Variants in PCLO observed in about 807,000 individuals in gnomAD.
The protein encoded by PCLO is protein piccolo.
Under a neutral mutation model 427.5 loss-of-function variants are expected in PCLO, and 82 were observed. The observed-to-expected ratio is 0.19, with a 90% CI of 0.16 to 0.23. PCLO has a LOEUF of 0.23. Among genes scored for constraint, PCLO ranks in the 10% least tolerant of loss-of-function variants. PCLO has a pLI of 1.00. For synonymous variants in PCLO, 2,357 were observed against 2,155.4 expected, an observed-to-expected ratio of 1.09 and a Z score of -2.59; for missense variants, 6,239 against 6,115.9, an observed-to-expected ratio of 1.02 and a Z score of -0.67.
rs371927465 is a variant in PCLO at position 82,761,346 on chromosome 7, T to C, written c.15142+13A>G. On this transcript the variant is annotated intron_variant, in intron 23 of 24. Transcript: ENST00000333891. ...AATCTAGATATATTGATGATTATAATAGAATTAGATACCTGGTAGATGATC... is the reference window on the plus strand; with the variant it reads ...AATCTAGATATATTGATGATTATAACAGAATTAGATACCTGGTAGATGATC... The C allele has an allele frequency of 3.8e-5, 52 of 1,372,970 alleles. No individual in the cohort carries two copies. The Middle Eastern group carries it at 1.1e-3, about 30-fold the overall frequency. The allele number at this position is 1,372,970 out of a possible 1,614,324, so 85.0% of individuals were successfully genotyped here.
At chr7:82,938,453 T>C (rs12666057) in intron 6 of PCLO, among the ~76,000 whole-genome samples, 79,781 of 151,204 alleles carry the variant, frequency 0.53, 21,419 homozygotes, top group East Asian at 0.8. Flanking sequence ...CTTTTTCTCT[T>C]CCTTTTAGTC....
At chr7:82,964,653 A>AAGG (rs1248961663) in intron 4 of PCLO, among the ~76,000 whole-genome samples, 1 of 152,314 alleles carries the variant, frequency 6.6e-6, no homozygotes, top group African/African-American at 2.4e-5. Flanking sequence ...AAGTTTCACA[A>AAGG]AGGGACAAAC....
rs544201355 is a variant in PCLO at position 83,102,514 on chromosome 7, C to T, written c.3300+31736G>A. Among the ~76,000 whole-genome samples the T allele has an allele frequency of 3.9e-3, 598 of 151,978 alleles. 8 individuals are homozygous for T. The highest frequency in any genetic ancestry group is 0.014 in the African/African-American group (570 of 41,500). On this transcript the variant is annotated intron_variant, in intron 3 of 24. Transcript: ENST00000333891. ...TAGGTTGGTGGAAAAATACAGACTTCGGAATTTGAAAGTTCTGGGTTTGAA... is the reference window on the plus strand; with the variant it reads ...TAGGTTGGTGGAAAAATACAGACTTTGGAATTTGAAAGTTCTGGGTTTGAA...
rs773976590 is a variant in PCLO at position 82,966,157 on chromosome 7, T to C, written c.3631A>G (p.Lys1211Glu). The C allele has an allele frequency of 9.3e-6, 15 of 1,609,502 alleles. No individual in the cohort carries two copies. In the South Asian group the frequency reaches 1.2e-4, roughly 13 times the overall value. Residue 1211 changes from lysine to glutamate, a missense_variant, in exon 4 of 25, where the codon AAA (lysine) becomes GAA (glutamate). By Grantham distance (56) the Lys-to-Glu change is moderately conservative. Coordinates refer to ENST00000333891, the MANE Select transcript of PCLO (RefSeq NM_033026.6). ...TTTTTTTCTTCAGGGAGTGGCTTTT[T>C]TTCTTGAAGAGCTGAAGCTTTGTCT... ...EKDKASALQEKKPLPEEKKLI... is the reference protein window; with the variant it reads ...EKDKASALQEEKPLPEEKKLI...
In PCLO at chr7:83,134,792, G is replaced by A. The variant is rs753147930; in HGVS notation, c.2758C>T (p.Pro920Ser). The part of the protein sequence containing the change: ...GSITDAPKSQ[P>S]TTPQETVTGK... ...GTCACGGTCTCTTGAGGAGTTGTAG[G>A]CTGTGATTTGGGGGCATCAGTAATA... The change falls in exon 3 of 25, where the codon CCT becomes TCT. Residue 920 changes from proline to serine, a missense_variant. Physicochemically the swap from Pro to Ser is moderately conservative, Grantham distance 74 (BLOSUM62 -1). Coordinates refer to ENST00000333891, the MANE Select transcript of PCLO (RefSeq NM_033026.6). 13 of 1,613,920 alleles carry A rather than the reference G, an allele frequency of 8.1e-6. No homozygotes were observed. The South Asian group carries it at 1.3e-4, about 16-fold the overall frequency.
chr7:83,134,576 T>C lies in PCLO; in HGVS notation c.2974A>G (p.Lys992Glu), dbSNP rs1246670068. The change falls in exon 3 of 25, where the codon AAA (lysine) becomes GAA (glutamate). Residue 992 changes from lysine (K) to glutamate (E), a missense_variant. By Grantham distance (56) the Lys-to-Glu change is moderately conservative. This residue lies in a region of PCLO where 4,677 missense variants were observed against 4,468.4 expected (regional missense o/e 1.05). Transcript: ENST00000333891. ...GTTTCCTTTTTCACAGGTATACTTT[T>C]TGCAGGTGCTGGTGGTGCTTGACCT... The part of the protein sequence containing the change: ...STGQAPPAPA[K>E]SIPVKKETKA... 1.4e-5 allele frequency: 22 copies of C among 1,613,858 alleles called. No homozygotes were observed. Among genetic ancestry groups the C allele is most frequent in the Non-Finnish European group, 1.9e-5 (22 of 1,179,894 alleles).
chr7:82,819,318 C>CA (rs36052834), intron 20 of PCLO, among the ~76,000 whole-genome samples: 1 of 150,690 alleles, frequency 6.6e-6, no homozygotes, highest in Non-Finnish European at 1.5e-5. Flanking sequence ...GAACACTATT[C>CA]AAAAAAAGGG....
chr7:82,882,089 T>C (rs183122582), intron 9 of PCLO, among the ~76,000 whole-genome samples: 4 of 152,308 alleles, frequency 2.6e-5, no homozygotes, highest in Admixed American at 1.3e-4. Flanking sequence ...AATTTGAATG[T>C]CGTGAAAAGA....
In PCLO at chr7:82,955,841, C is replaced by T; in HGVS notation, c.5112G>A (p.Leu1704=). ...DEEPELEMES[L]TDSPEDRSRG... is the part of the protein sequence containing the mutation. ...TTGACCTATCTTCAGGTGAGTCTGT[C>T]AGGCTTTCCATTTCCAATTCTGGCT... Residue 1704 remains leucine (L), a synonymous_variant, in exon 5 of 25, where the codon CTG becomes CTA. Coordinates refer to ENST00000333891, the MANE Select transcript of PCLO (RefSeq NM_033026.6). 1 of 1,613,900 alleles carries T rather than the reference C, an allele frequency of 6.2e-7. No homozygotes were observed. The highest frequency in any genetic ancestry group is 1.1e-5 in the South Asian group (1 of 91,078).
chr7:82,964,216 T>C (rs1321692299), intron 4 of PCLO, among the ~76,000 whole-genome samples: 2 of 152,138 alleles, frequency 1.3e-5, no homozygotes, highest in Non-Finnish European at 2.9e-5. Context: ...GATACCTTCA[T>C]TGTGGAGAAC....
At chr7:83,044,514 T>A (rs1264072248) in intron 3 of PCLO, among the ~76,000 whole-genome samples, 1 of 152,200 alleles carries the variant, frequency 6.6e-6, no homozygotes, top group East Asian at 1.9e-4. Context: ...AATTAAATTA[T>A]AAATGTGTCT....
rs1188329811 is a variant in PCLO at position 82,847,209 on chromosome 7, A to G, written c.13693T>C (p.Ser4565Pro). Residue 4565 changes from serine to proline, a missense_variant, in exon 11 of 25, where the codon TCT (serine) becomes CCT (proline). By Grantham distance (74) the Ser-to-Pro change is moderately conservative (BLOSUM62 -1). Around this residue, in one of 5 missense-constraint regions of PCLO, gnomAD observed 877 missense variants for 925.5 expected, o/e 0.95. Transcript: ENST00000333891. ...VLEWNGIPLT[S>P]KTYEEVQSII... The stretch of plus-strand genomic sequence containing the variant: ...CTCTGAACTTCTTCATATGTTTTAG[A>G]AGTCAAGGGAATTCCATTCCATTCC... 1 of 1,603,580 alleles carries G rather than the reference A, an allele frequency of 6.2e-7. No individual in the cohort carries two copies. Among genetic ancestry groups the G allele is most frequent in the Admixed American group, 1.7e-5 (1 of 59,716 alleles).
intron 22 of PCLO, among the ~76,000 whole-genome samples, chr7:82,765,964 C>G (rs1348913886): frequency 1.3e-5 from 2 of 151,936 alleles, no homozygotes; most frequent in African/African-American, 4.8e-5. Flanking sequence ...GTTATAGTCT[C>G]CGGACAGAAA....
At chr7:82,992,523 A>G (rs1279835929) in intron 3 of PCLO, among the ~76,000 whole-genome samples, 1 of 152,138 alleles carries the variant, frequency 6.6e-6, no homozygotes. Context: ...ATAAAAATTG[A>G]TGCCTCATAG....
chr7:82,939,040 C>T (rs1024340653), intron 6 of PCLO, among the ~76,000 whole-genome samples: 2 of 151,918 alleles, frequency 1.3e-5, no homozygotes, highest in African/African-American at 4.8e-5. Context: ...CTCTGGATGC[C>T]GAATGTTGCA....
At chr7:82,889,205 G>A (rs1793701398) in intron 9 of PCLO, among the ~76,000 whole-genome samples, 2 of 152,160 alleles carry the variant, frequency 1.3e-5, no homozygotes, top group African/African-American at 2.4e-5. Context: ...GTGGTGTCCT[G>A]TTCCCCCAAA....
At chr7:82,763,262 G>A (rs186245507) in intron 22 of PCLO, among the ~76,000 whole-genome samples, 5 of 152,108 alleles carry the variant, frequency 3.3e-5, no homozygotes, top group Non-Finnish European at 1.5e-5. Context: ...GCCTTAATAG[G>A]AAATAAGTCC....
At position 82,952,004 on chromosome 7, in the gene PCLO, A is replaced by G. The variant is rs1562877929; in HGVS notation, c.8949T>C (p.Gly2983=). The G allele has an allele frequency of 4.3e-6, 7 of 1,613,836 alleles. No homozygotes were observed. The highest frequency in any genetic ancestry group is 5.1e-6 in the Non-Finnish European group (6 of 1,179,842). Reference sequence around the variant, plus strand: ...GCTTCATTCCCCCAATCCCTCTATAACCATATGGCCCTGATCGATCATACT... The same window carrying G: ...GCTTCATTCCCCCAATCCCTCTATAGCCATATGGCCCTGATCGATCATACT... ...HYQYDRSGPY[G]YRGIGGMKPS... is the part of the protein sequence containing the mutation. Residue 2983 remains glycine, a synonymous_variant, in exon 5 of 25, where the codon GGT becomes GGC. Coordinates refer to ENST00000333891, the MANE Select transcript of PCLO (RefSeq NM_033026.6).
At position 82,812,115 on chromosome 7, in the gene PCLO, A is replaced by T. The variant is rs544558344; in HGVS notation, c.14792-6286T>A. Among the ~76,000 whole-genome samples the T allele has an allele frequency of 2.4e-3, 363 of 151,574 alleles. 2 individuals are homozygous for T. The highest frequency in any genetic ancestry group is 4.2e-3 in the Non-Finnish European group (284 of 67,552). Reference sequence around the variant, plus strand: ...CCTCCATTTGCTGTGTTCCAGAAAGATGGTAAATCTCGTATATTCACAGTT... The same window carrying T: ...CCTCCATTTGCTGTGTTCCAGAAAGTTGGTAAATCTCGTATATTCACAGTT... On this transcript the variant is annotated intron_variant, in intron 20 of 24. Transcript: ENST00000333891.
Sources: allele counts gnomAD v4.1 joint callset (sites outside exome capture counted in the v4.1 genomes callset), GRCh38; gene constraint gnomAD v4.1.1; regional missense constraint gnomAD v4.1.1; transcripts MANE v1.5; gene names NCBI Gene and HGNC (gene_info 2026-07-23, HGNC 2026-07-21).